The following PPHLN1 variants were observed in gnomAD, a reference collection of about 807,000 sequenced individuals.
PPHLN1 encodes the protein periphilin 1, also known as periphilin-1.
PPHLN1 carries 29 observed loss-of-function variants against 51.3 expected under a neutral mutation model. That is an observed-to-expected ratio of 0.57 (90% CI 0.42 to 0.77). The LOEUF (loss-of-function observed/expected upper bound fraction) is 0.77. Ranked by LOEUF, PPHLN1 falls within the 30% of genes least tolerant of loss-of-function variation. PPHLN1 has a pLI of 0.00. For missense variants in PPHLN1, 436 were observed against 438.4 expected, an observed-to-expected ratio of 0.99 and a Z score of 0.05; for synonymous variants, 147 against 147.8, an observed-to-expected ratio of 0.99 and a Z score of 0.04.
intron 4 of PPHLN1, among the ~76,000 whole-genome samples, chr12:42,364,805 C>T (rs1324523966): frequency 6.6e-6 from 1 of 152,110 alleles, no homozygotes; most frequent in Non-Finnish European, 1.5e-5. Context: ...CCTGTAATCC[C>T]AGCTGCTCGG....
intron 7 of PPHLN1, 120 bp from the exon 8 acceptor site, chr12:42,393,450 T>A (rs902552632): frequency 2.1e-6 from 2 of 940,348 alleles, no homozygotes; most frequent in Admixed American, 2.8e-5. Context: ...AGAATGTACC[T>A]GTTCTCCATA....
At chr12:42,438,838 G>A (rs917512478) in intron 9 of PPHLN1, among the ~76,000 whole-genome samples, 21 of 152,220 alleles carry the variant, frequency 1.4e-4, no homozygotes, top group African/African-American at 5.1e-4. Context: ...TCCTGACCTC[G>A]TGATCCGCCT....
intron 7 of PPHLN1, 55 bp downstream of exon 7, chr12:42,387,590 G>T: frequency 6.3e-7 from 1 of 1,579,990 alleles, no homozygotes; most frequent in Non-Finnish European, 8.6e-7. Flanking sequence ...GAGATGGACT[G>T]ACTAGTACAG....
At chr12:42,394,465 A>G (rs2078016264) in intron 8 of PPHLN1, among the ~76,000 whole-genome samples, 1 of 152,128 alleles carries the variant, frequency 6.6e-6, no homozygotes, top group Non-Finnish European at 1.5e-5. Context: ...ATGTTCTTTG[A>G]TAAAAGGGAT....
At chr12:42,396,437 G>A (rs1190429365) in intron 8 of PPHLN1, among the ~76,000 whole-genome samples, 3 of 151,924 alleles carry the variant, frequency 2.0e-5, no homozygotes, top group African/African-American at 4.8e-5. Context: ...GTTTTGTAGA[G>A]ATATAATTTG....
intron 9 of PPHLN1, among the ~76,000 whole-genome samples, chr12:42,428,090 C>CA (rs1472064287): frequency 3.3e-5 from 5 of 151,938 alleles, no homozygotes; most frequent in African/African-American, 7.3e-5. Flanking sequence ...TGGCCGTAAT[C>CA]AAAAAAATCA....
downstream of PPHLN1, chr12:42,448,212 A>G (rs969588950): frequency 2.0e-5 from 3 of 152,670 alleles, no homozygotes; most frequent in African/African-American, 7.2e-5. Flanking sequence ...AAATTAGAGA[A>G]GTCTCACTAA....
At chr12:42,443,921 A>T (rs1278876176), downstream of PPHLN1, 1 of 152,204 alleles carries the variant, frequency 6.6e-6, no homozygotes, top group Non-Finnish European at 1.5e-5. Flanking sequence ...TAGCTCACCT[A>T]TTTTATTAGA....
intron 4 of PPHLN1, among the ~76,000 whole-genome samples, chr12:42,373,796 A>T (rs185052553): frequency 6.6e-6 from 1 of 152,376 alleles, no homozygotes; most frequent in East Asian, 1.9e-4. Context: ...AATTTAATTT[A>T]TAAAAGTAGA....
intron 6 of PPHLN1, among the ~76,000 whole-genome samples, chr12:42,386,184 G>A (rs2077177641): frequency 6.6e-6 from 1 of 152,136 alleles, no homozygotes; most frequent in Admixed American, 6.5e-5. Flanking sequence ...TTGTTGTTGG[G>A]GTGTCCCCCA....
chr12:42,425,246 A>ATTTTTTTTTTTTTTTTTT lies in PPHLN1; in HGVS notation c.910-16067_910-16050dup, dbSNP rs34484756. Among the ~76,000 whole-genome samples the ATTTTTTTTTTTTTTTTTT allele has an allele frequency of 2.4e-5, 3 of 124,830 alleles. 1 individual carries two copies. The highest frequency in any genetic ancestry group is 8.7e-5 in the Admixed American group (1 of 11,556). 81.9% of individuals were successfully genotyped at this position (124,830 alleles called of 152,430 possible). ...AGGTGTGCACCACCATGCCTGGCTAATTTTTTTTTTTTTTTTTTTGTATTT... is the reference window on the plus strand; with the variant it reads ...AGGTGTGCACCACCATGCCTGGCTAATTTTTTTTTTTTTTTTTTTTTTTTTTTTTTTTTTTTTGTATTT... On this transcript the variant is annotated intron_variant, in intron 9 of 9. Transcript: ENST00000358314.
chr12:42,403,454 G>T (rs1425899363), intron 9 of PPHLN1, among the ~76,000 whole-genome samples: 2 of 152,206 alleles, frequency 1.3e-5, no homozygotes, highest in African/African-American at 4.8e-5. Flanking sequence ...TACTGCAGAA[G>T]CTTGTTGAAG....
intron 9 of PPHLN1, among the ~76,000 whole-genome samples, chr12:42,408,917 C>T (rs1268680236): frequency 6.6e-6 from 1 of 152,094 alleles, no homozygotes; most frequent in Non-Finnish European, 1.5e-5. Context: ...TTCTAAGACA[C>T]CCAATGGTTT....
rs529536207 is a variant in PPHLN1, at chr12:42,432,631, ACT to A, written c.910-8679_910-8678del. On this transcript the variant is annotated intron_variant, in intron 9 of 9. Transcript: ENST00000358314. Reference sequence around the variant, plus strand: ...CTCTAGCCTTTTTTACAGCACCAGCACTCTCTATAGATTCTAAATGTTCCAGT... The same window carrying A: ...CTCTAGCCTTTTTTACAGCACCAGCACTCTATAGATTCTAAATGTTCCAGT... Among the ~76,000 whole-genome samples, 401 of 152,270 alleles carry A rather than the reference ACT, an allele frequency of 2.6e-3. 1 individual carries two copies. The highest frequency in any genetic ancestry group is 9.1e-3 in the African/African-American group (379 of 41,534).
At chr12:42,329,385 G>A (rs550739553) in intron 1 of PPHLN1, among the ~76,000 whole-genome samples, 71 of 152,076 alleles carry the variant, frequency 4.7e-4, no homozygotes, top group African/African-American at 1.7e-3. Context: ...GATTACAAGC[G>A]TGAGCCACCG....
intron 2 of PPHLN1, among the ~76,000 whole-genome samples, chr12:42,344,741 C>T (rs2072028278): frequency 7.3e-6 from 1 of 137,404 alleles, no homozygotes; most frequent in South Asian, 2.3e-4. Context: ...CAGAGTCTTG[C>T]TCTGTTGCCC....
intron 8 of PPHLN1, among the ~76,000 whole-genome samples, chr12:42,394,904 G>C (rs947589146): frequency 6.6e-6 from 1 of 151,868 alleles, no homozygotes; most frequent in African/African-American, 2.4e-5. Flanking sequence ...TTGGAATATT[G>C]GTAGTTTGTT....
At chr12:42,342,335 G>A (rs1204952520) in intron 2 of PPHLN1, among the ~76,000 whole-genome samples, 1 of 152,134 alleles carries the variant, frequency 6.6e-6, no homozygotes, top group Non-Finnish European at 1.5e-5. Flanking sequence ...GCTCACTGCA[G>A]CCTCAGACCC....
At chr12:42,386,591 A>G (rs759316073) in intron 6 of PPHLN1, among the ~76,000 whole-genome samples, 4 of 152,104 alleles carry the variant, frequency 2.6e-5, no homozygotes, top group Non-Finnish European at 5.9e-5. Context: ...GTGACTCCAA[A>G]TTTTATGCCA....
Sources: allele counts gnomAD v4.1 joint callset (sites outside exome capture counted in the v4.1 genomes callset), GRCh38; gene constraint gnomAD v4.1.1; transcripts MANE v1.5; gene names NCBI Gene and HGNC (gene_info 2026-07-23, HGNC 2026-07-21).